The following TMEM259 variants were observed in gnomAD, a reference collection of about 807,000 sequenced individuals.
TMEM259 encodes the protein transmembrane protein 259, also known as membralin.
In TMEM259, 26 loss-of-function variants were observed where a neutral mutation model predicts 46.7. That is an observed-to-expected ratio of 0.56 (90% CI 0.41 to 0.77). TMEM259 has a LOEUF of 0.77. Among genes scored for constraint, TMEM259 ranks in the 30% least tolerant of loss-of-function variants. The pLI is 0.00. For synonymous variants in TMEM259, 494 were observed against 395.1 expected (o/e 1.25, Z -2.97); for missense variants, 930 against 900.5 (o/e 1.03, Z -0.42).
intron 4 of TMEM259, 114 bp from the exon 5 acceptor site, chr19:1,012,302 A>G: frequency 6.6e-7 from 1 of 1,505,254 alleles, no homozygotes; most frequent in Non-Finnish European, 8.9e-7. Context: ...GCCCATTCTT[A>G]GGAAACCCAT....
At chr19:1,011,059 C>G in intron 10 of TMEM259, 37 bp downstream of exon 10, 1 of 1,561,108 alleles carries the variant, frequency 6.4e-7, no homozygotes, top group Non-Finnish European at 8.7e-7. Context: ...TGGAAAGGCA[C>G]GGCTGGCCTG....
chr19:1,016,080 A>G (rs1343993825), intron 1 of TMEM259, among the ~76,000 whole-genome samples: 2 of 147,544 alleles, frequency 1.4e-5, no homozygotes, highest in African/African-American at 5.0e-5. Context: ...TACAGCCAAA[A>G]GAGCCGCAGG....
chr19:1,012,014 GCGCCCGCCCC>G, intron 5 of TMEM259, 22 bp from the exon 6 acceptor site: 2 of 1,611,578 alleles, frequency 1.2e-6, no homozygotes, highest in Middle Eastern at 1.6e-4. Flanking sequence ...GGAGCCGTGA[GCGCCCGCCCC>G]CACCCGCGCC....
Position 1,009,726 on chromosome 19 carries a change from GCTCCTCCGCATTC to G in TMEM259, c.*611_*623del, listed in dbSNP as rs2145548571. 1.2e-6 allele frequency: 1 copy of G among 861,902 alleles called. No individual in the cohort carries two copies. Among genetic ancestry groups the G allele is most frequent in the South Asian group, 2.7e-5 (1 of 37,616 alleles). 53.4% of individuals were successfully genotyped at this position (861,902 alleles called of 1,614,324 possible). A position where few individuals can be genotyped will look rare whatever the true frequency, so the allele number is the denominator to read the frequency against. ...TGCAATTAAATAGAATGGAATGAGC[GCTCCTCCGCATTC>G]CTCCCCGAGTGACTGGTTTGGCCGC... On this transcript the variant is annotated 3_prime_UTR_variant, in exon 11 of 11. Transcript: ENST00000356663.
rs752192305 is a variant in TMEM259, at chr19:1,014,334, G to A, written c.365C>T (p.Ala122Val). The change falls in exon 2 of 11, where the codon GCG (alanine) becomes GTG (valine). Residue 122 changes from alanine to valine, a missense_variant. Coordinates refer to ENST00000356663, the MANE Select transcript of TMEM259 (RefSeq NM_001033026.2). Reference sequence around the variant, plus strand: ...GTCACAGAACTGTAGGAAGACGGGCGCGCGGCTCGAGTTGTGCCGCACTTC... The same window carrying A: ...GTCACAGAACTGTAGGAAGACGGGCACGCGGCTCGAGTTGTGCCGCACTTC... Reference protein sequence around the residue: ...RVEVRHNSSRAPVFLQFCDSG... With the variant: ...RVEVRHNSSRVPVFLQFCDSG... 17 of 1,612,942 alleles carry A rather than the reference G, an allele frequency of 1.1e-5. No individual in the cohort carries two copies. Among genetic ancestry groups the A allele is most frequent in the Admixed American group, 5.0e-5 (3 of 59,996 alleles).
At chr19:1,013,881 C>A (rs1191457902) in intron 2 of TMEM259, among the ~76,000 whole-genome samples, 1 of 152,248 alleles carries the variant, frequency 6.6e-6, no homozygotes, top group South Asian at 2.1e-4. Flanking sequence ...TTGCTGCCCA[C>A]TGCATCCCCA....
Position 1,009,873 on chromosome 19 carries a change from C to T in TMEM259, c.*477G>A. On this transcript the variant is annotated 3_prime_UTR_variant, in exon 11 of 11. Coordinates refer to ENST00000356663, the MANE Select transcript of TMEM259 (RefSeq NM_001033026.2). The stretch of plus-strand genomic sequence containing the variant: ...GCCCGAGGCGCAAGCTCTGCTCTCC[C>T]GGGGACCCCAAGCCTGGCGCACACG... 2.5e-6 allele frequency: 1 copy of T among 396,134 alleles called. No homozygotes were observed. The highest frequency in any genetic ancestry group is 4.5e-6 in the Non-Finnish European group (1 of 223,112). 24.5% of individuals were successfully genotyped at this position (396,134 alleles called of 1,614,324 possible).
chr19:1,019,907 T>C lies in TMEM259; in HGVS notation c.225+865A>G, dbSNP rs543386808. Among the ~76,000 whole-genome samples the C allele has an allele frequency of 5.3e-5, 8 of 152,278 alleles. No individual in the cohort carries two copies. The South Asian group carries it at 1.5e-3, about 28-fold the overall frequency. On this transcript the variant is annotated intron_variant, in intron 1 of 10. Coordinates refer to ENST00000356663, the MANE Select transcript of TMEM259 (RefSeq NM_001033026.2). The stretch of plus-strand genomic sequence containing the variant: ...GGCTGCAGCTGCTACTGAGCCCCTC[T>C]TGTCACCCAAGCAAGACTCCTTCTC...
chr19:1,010,646 G>C lies in TMEM259; in HGVS notation c.1567C>G (p.Leu523Val). 3 of 1,541,452 alleles carry C rather than the reference G, an allele frequency of 1.9e-6. No homozygotes were observed. Among genetic ancestry groups the C allele is most frequent in the Non-Finnish European group, 2.6e-6 (3 of 1,147,934 alleles). ...GCCACTGAGGCTGCCGCGGCCACCAGGGAGCTGGGCGCCGCTGCCACAGGC... is the reference window on the plus strand; with the variant it reads ...GCCACTGAGGCTGCCGCGGCCACCACGGAGCTGGGCGCCGCTGCCACAGGC... ...PGPVAAAPSS[L>V]VAAAASVAAA... Residue 523 changes from leucine (L) to valine (V), a missense_variant, in exon 11 of 11, where the codon CTG becomes GTG. Leu to Val is a conservative substitution (Grantham distance 32, BLOSUM62 1). Transcript: ENST00000356663.
Position 1,020,546 on chromosome 19 carries a change from G to T in TMEM259, c.225+226C>A, listed in dbSNP as rs1362654404. Reference sequence around the variant, plus strand: ...AGTGCAGCGGGATCCGGCCTTCCCGGGTGGACGTCCCCGGGCGGGATGGGG... The same window carrying T: ...AGTGCAGCGGGATCCGGCCTTCCCGTGTGGACGTCCCCGGGCGGGATGGGG... On this transcript the variant is annotated intron_variant, in intron 1 of 10. Coordinates refer to ENST00000356663, the MANE Select transcript of TMEM259 (RefSeq NM_001033026.2). This position sits in a 1 kb window ranked among gnomAD's most constrained non-coding sequence, Gnocchi z 4.0. Among the ~76,000 whole-genome samples, 3 of 152,102 alleles carry T rather than the reference G, an allele frequency of 2.0e-5. No homozygotes were observed. Among genetic ancestry groups the T allele is most frequent in the Non-Finnish European group, 4.4e-5 (3 of 68,012 alleles).
intron 2 of TMEM259, 36 bp downstream of exon 2, chr19:1,014,156 T>C: frequency 6.3e-7 from 1 of 1,588,740 alleles, no homozygotes; most frequent in Middle Eastern, 1.7e-4. Context: ...TACGGGGCGC[T>C]GGCCTCTGCT....
At chr19:1,013,373 C>T (rs780799828) in intron 2 of TMEM259, 33 bp from the exon 3 acceptor site, 39 of 1,608,564 alleles carry the variant, frequency 2.4e-5, no homozygotes, top group South Asian at 9.9e-5. Flanking sequence ...GTGTCAGCAG[C>T]GCCAGCCCGG....
chr19:1,016,015 C>T (rs2145598185), intron 1 of TMEM259, among the ~76,000 whole-genome samples: 1 of 152,378 alleles, frequency 6.6e-6, no homozygotes, highest in South Asian at 2.1e-4. Context: ...TCACACTCCC[C>T]AGCCCCAGGA....
At chr19:1,014,561 C>A (rs2039046941) in intron 1 of TMEM259, 88 bp from the exon 2 acceptor site, 6 of 1,399,104 alleles carry the variant, frequency 4.3e-6, no homozygotes, top group Non-Finnish European at 5.8e-6. Context: ...TGATGGGGCG[C>A]GCTGGGACGC....
intron 2 of TMEM259, 49 bp downstream of exon 2, chr19:1,014,143 A>G: frequency 6.4e-7 from 1 of 1,573,720 alleles, no homozygotes; most frequent in Non-Finnish European, 8.7e-7. Context: ...AGCGACCAGC[A>G]TCTACGGGGC....
chr19:1,012,451 G>A lies in TMEM259; in HGVS notation c.718+12C>T. ...GCCATGGAGCTCCCCAAGCCCAGCA[G>A]CTCAGACTCACCCAGGGTGACCACC... On this transcript the variant is annotated intron_variant, in intron 4 of 10. Transcript: ENST00000356663. 1 of 1,585,600 alleles carries A rather than the reference G, an allele frequency of 6.3e-7. No homozygotes were observed. Among genetic ancestry groups the A allele is most frequent in the Non-Finnish European group, 8.6e-7 (1 of 1,168,318 alleles).
rs779083699 is a variant in TMEM259, at chr19:1,014,408, G to A, written c.291C>T (p.Cys97=). The A allele has an allele frequency of 4.3e-6, 7 of 1,612,548 alleles. No homozygotes were observed. The South Asian group carries it at 6.6e-5, about 15-fold the overall frequency. The change falls in exon 2 of 11, where the codon TGC becomes TGT. Residue 97 remains cysteine, a synonymous_variant. Coordinates refer to ENST00000356663, the MANE Select transcript of TMEM259 (RefSeq NM_001033026.2). ...GCCACTTGTCACGCACATGCTCCAG[G>A]CAGTTGATGGGCGAGCGGGAGAAGA... The part of the protein sequence containing the change: ...HIVFSRSPIN[C]LEHVRDKWPR...
chr19:1,012,075 C>T lies in TMEM259; in HGVS notation c.832G>A (p.Glu278Lys), dbSNP rs779663084. The change falls in exon 5 of 11, where the codon GAG (glutamate) becomes AAG (lysine). Residue 278 changes from glutamate to lysine, a missense_variant. Glu to Lys is a moderately conservative substitution (Grantham distance 56). Coordinates refer to ENST00000356663, the MANE Select transcript of TMEM259 (RefSeq NM_001033026.2). Reference sequence around the variant, plus strand: ...CCGGGGCATGCCTCACCCTTGTTCTCCTCGTTCTCGGCCAGGCCCTTCACG... The same window carrying T: ...CCGGGGCATGCCTCACCCTTGTTCTTCTCGTTCTCGGCCAGGCCCTTCACG... ...SSVKGLAENEENKGFLRNVVS... is the reference protein window; with the variant it reads ...SSVKGLAENEKNKGFLRNVVS... 4.3e-6 allele frequency: 7 copies of T among 1,612,170 alleles called. No homozygotes were observed. The highest frequency in any genetic ancestry group is 4.0e-5 in the African/African-American group (3 of 74,908).
At chr19:1,014,945 A>T (rs2039060445) in intron 1 of TMEM259, among the ~76,000 whole-genome samples, 1 of 152,184 alleles carries the variant, frequency 6.6e-6, no homozygotes, top group Non-Finnish European at 1.5e-5. Flanking sequence ...TGCAAGCAGC[A>T]GCATGGGTGT....
Sources: gnomAD v4.1 joint callset for allele counts (sites outside exome capture counted in the v4.1 genomes callset) on GRCh38, gnomAD v4.1.1 for gene constraint, Gnocchi (gnomAD v3.1) non-coding constraint, MANE v1.5 for transcripts, NCBI Gene and HGNC (gene_info 2026-07-23, HGNC 2026-07-21) for gene names.